Variants in DSCAM observed in about 807,000 individuals in gnomAD.
The protein encoded by DSCAM is DS cell adhesion molecule.
DSCAM carries 47 observed loss-of-function variants against 217.7 expected under a neutral mutation model. The observed-to-expected ratio is 0.22, with a 90% CI of 0.17 to 0.28. The LOEUF is 0.28. DSCAM is among the 10% of genes least tolerant of loss of function. The pLI, the probability that DSCAM is intolerant of heterozygous loss-of-function variation, is 1.00. For missense variants in DSCAM, 2,080 were observed against 2,618.3 expected, an observed-to-expected ratio of 0.79 and a Z score of 4.49; for synonymous variants, 1,056 against 1,015.3, an observed-to-expected ratio of 1.04 and a Z score of -0.76.
intron 3 of DSCAM, among the ~76,000 whole-genome samples, chr21:40,502,212 C>G (rs1245566732): frequency 6.6e-6 from 1 of 152,094 alleles, no homozygotes; most frequent in African/African-American, 2.4e-5. Context: ...TTTTCAAAAT[C>G]ACATTTCAGA....
At chr21:40,543,377 T>C (rs752082568) in intron 3 of DSCAM, among the ~76,000 whole-genome samples, 41 of 152,210 alleles carry the variant, frequency 2.7e-4, no homozygotes, top group Non-Finnish European at 5.6e-4. Flanking sequence ...AGGTGGCCTT[T>C]AGCTAAGTGA....
intron 8 of DSCAM, among the ~76,000 whole-genome samples, chr21:40,314,665 T>G (rs988204301): frequency 6.6e-6 from 1 of 152,192 alleles, no homozygotes; most frequent in Non-Finnish European, 1.5e-5. Flanking sequence ...TTCCTCCCCT[T>G]TGATTTCCTG....
chr21:40,778,287 C>G (rs2091507077), intron 1 of DSCAM, among the ~76,000 whole-genome samples: 1 of 151,936 alleles, frequency 6.6e-6, no homozygotes, highest in East Asian at 1.9e-4. Flanking sequence ...TACCTAGTAT[C>G]TGGGTTAAAA....
rs566154946 is a variant in DSCAM, at chr21:40,189,459, T to TC, written c.2357-222dup. Among the ~76,000 whole-genome samples, 31 of 152,324 alleles carry TC rather than the reference T, an allele frequency of 2.0e-4. 1 individual carries two copies. The South Asian group carries it at 5.8e-3, about 28-fold the overall frequency. On this transcript the variant is annotated intron_variant, in intron 11 of 32. Coordinates refer to ENST00000400454, the MANE Select transcript of DSCAM (RefSeq NM_001389.5). ...GCAGAAATTGCCATGCCGTTTCATATCCACGGCACGTTGCTCTTCCAACCC... is the reference window on the plus strand; with the variant it reads ...GCAGAAATTGCCATGCCGTTTCATATCCCACGGCACGTTGCTCTTCCAACCC...
Position 40,585,829 on chromosome 21 carries a change from G to C in DSCAM, c.508+106981C>G, listed in dbSNP as rs1035519120. Among the ~76,000 whole-genome samples the C allele has an allele frequency of 1.4e-4, 21 of 152,252 alleles. No homozygotes were observed. The East Asian group carries it at 1.7e-3, about 13-fold the overall frequency. ...GCCCCTGAGAGTTGGTTGTTAAAAAGAGCCTGGCACCTTCCCTGTGCTCAT... is the reference window on the plus strand; with the variant it reads ...GCCCCTGAGAGTTGGTTGTTAAAAACAGCCTGGCACCTTCCCTGTGCTCAT... On this transcript the variant is annotated intron_variant, in intron 3 of 32. Transcript: ENST00000400454.
chr21:40,688,500 T>C (rs1242572298), intron 3 of DSCAM, among the ~76,000 whole-genome samples: 1 of 152,220 alleles, frequency 6.6e-6, no homozygotes, highest in East Asian at 1.9e-4. Context: ...TTATGGCATT[T>C]AAAAGGATTT....
At chr21:40,241,645 G>C (rs1388688110) in intron 11 of DSCAM, among the ~76,000 whole-genome samples, 2 of 152,046 alleles carry the variant, frequency 1.3e-5, no homozygotes, top group African/African-American at 4.8e-5. Context: ...CCCATTACTG[G>C]GTATGTATCC....
At chr21:40,602,607 T>C (rs2077070915) in intron 3 of DSCAM, among the ~76,000 whole-genome samples, 1 of 152,178 alleles carries the variant, frequency 6.6e-6, no homozygotes, top group African/African-American at 2.4e-5. Context: ...AATTTATGGC[T>C]ACAGGGCTTT....
intron 1 of DSCAM, among the ~76,000 whole-genome samples, chr21:40,746,354 G>C: frequency 7.6e-6 from 1 of 130,902 alleles, no homozygotes. Context: ...ATGGAAAAAA[G>C]ATATTCCAAA....
intron 20 of DSCAM, among the ~76,000 whole-genome samples, chr21:40,109,480 C>T (rs111336404): frequency 0.15 from 23,000 of 152,172 alleles, 2,164 homozygotes; most frequent in African/African-American, 0.27. Flanking sequence ...GTCTACAGCT[C>T]CCAGTGTGAG....
At chr21:40,459,592 G>T (rs1379406158) in intron 3 of DSCAM, among the ~76,000 whole-genome samples, 2 of 152,134 alleles carry the variant, frequency 1.3e-5, no homozygotes, top group Non-Finnish European at 2.9e-5. Flanking sequence ...TGAACAGCAC[G>T]TTGAAATGCT....
chr21:40,288,467 A>T (rs945941774), intron 10 of DSCAM, among the ~76,000 whole-genome samples: 5 of 152,232 alleles, frequency 3.3e-5, no homozygotes, highest in Admixed American at 1.3e-4. Context: ...ATGCAGAAAA[A>T]GCAAGGACAT....
chr21:40,243,288 T>G (rs2073178077), intron 11 of DSCAM, among the ~76,000 whole-genome samples: 2 of 152,204 alleles, frequency 1.3e-5, no homozygotes, highest in Non-Finnish European at 2.9e-5. Flanking sequence ...TTTTTAAAAA[T>G]AAAATTTCAG....
chr21:40,191,127 T>C (rs2090948760), intron 11 of DSCAM, among the ~76,000 whole-genome samples: 1 of 152,176 alleles, frequency 6.6e-6, no homozygotes, highest in South Asian at 2.1e-4. Context: ...CACTGTGGCT[T>C]CTTCTAAGAC....
At chr21:40,611,348 T>G (rs2146279075) in intron 3 of DSCAM, among the ~76,000 whole-genome samples, 1 of 152,288 alleles carries the variant, frequency 6.6e-6, no homozygotes, top group East Asian at 1.9e-4. Flanking sequence ...CGAGCCACTG[T>G]GCCCGGCCTA....
chr21:40,771,167 G>A (rs2091441115), intron 1 of DSCAM, among the ~76,000 whole-genome samples: 1 of 152,156 alleles, frequency 6.6e-6, no homozygotes, highest in South Asian at 2.1e-4. Flanking sequence ...AGGCCACCCA[G>A]CCCACATGAG....
At chr21:40,248,746 A>T (rs1052373928) in intron 11 of DSCAM, among the ~76,000 whole-genome samples, 1 of 152,186 alleles carries the variant, frequency 6.6e-6, no homozygotes, top group Non-Finnish European at 1.5e-5. Context: ...TCTTTTCAGC[A>T]GTGCCCCACT....
intron 3 of DSCAM, among the ~76,000 whole-genome samples, chr21:40,515,904 G>C (rs1415555391): frequency 1.3e-5 from 2 of 149,920 alleles, no homozygotes; most frequent in Non-Finnish European, 2.9e-5. Context: ...TTGGGAACAT[G>C]ATATACTTTT....
chr21:40,498,645 T>TAC (rs1180309760), intron 3 of DSCAM, among the ~76,000 whole-genome samples: 1 of 111,032 alleles, frequency 9.0e-6, no homozygotes, highest in African/African-American at 3.1e-5. Flanking sequence ...TATATATATA[T>TAC]AGTGTGTGTG....
Sources: gnomAD v4.1 joint callset for allele counts (sites outside exome capture counted in the v4.1 genomes callset) on GRCh38, gnomAD v4.1.1 for gene constraint, MANE v1.5 for transcripts, NCBI Gene and HGNC (gene_info 2026-07-23, HGNC 2026-07-21) for gene names.